Variants in CHRM5 observed in about 807,000 individuals in gnomAD.
The protein encoded by CHRM5 is cholinergic receptor muscarinic 5.
Under a neutral mutation model 39.0 loss-of-function variants are expected in CHRM5, and 18 were observed. That is an observed-to-expected ratio of 0.46 (90% CI 0.32 to 0.68). The LOEUF (loss-of-function observed/expected upper bound fraction) is 0.68. CHRM5 is among the 30% of genes least tolerant of loss of function. The probability of loss-of-function intolerance (pLI) is 0.04; values close to 1 mark genes in which losing one functional copy is unlikely to be tolerated. For synonymous variants in CHRM5, 241 were observed against 246.3 expected (o/e 0.98, Z 0.20); for missense variants, 515 against 651.1 (o/e 0.79, Z 2.28).
At chr15:34,014,645 C>T (rs1897803657) in intron 1 of CHRM5, among the ~76,000 whole-genome samples, 1 of 152,160 alleles carries the variant, frequency 6.6e-6, no homozygotes. Flanking sequence ...ATCAATGCAG[C>T]ATCTGACAGA....
Position 33,998,938 on chromosome 15 carries a change from C to T in CHRM5, c.-408+29788C>T, listed in dbSNP as rs544637546. On this transcript the variant is annotated intron_variant, in intron 1 of 2. Transcript: ENST00000383263. Reference sequence around the variant, plus strand: ...AAATATCATCTATAGGCTGGCATCACCCAAATGTATTATTGCCAACCCAGG... The same window carrying T: ...AAATATCATCTATAGGCTGGCATCATCCAAATGTATTATTGCCAACCCAGG... Among the ~76,000 whole-genome samples the T allele has an allele frequency of 2.4e-4, 37 of 152,320 alleles. No homozygotes were observed. The South Asian group carries it at 7.5e-3, about 31-fold the overall frequency.
At chr15:34,021,721 G>C (rs1307288257) in intron 1 of CHRM5, among the ~76,000 whole-genome samples, 1 of 152,216 alleles carries the variant, frequency 6.6e-6, no homozygotes, top group South Asian at 2.1e-4. Context: ...TGGACATGGT[G>C]GCAGGTGCCT....
intron 2 of CHRM5, among the ~76,000 whole-genome samples, chr15:34,058,577 C>CACACAT (rs1555521021): frequency 7.2e-5 from 11 of 151,774 alleles, no homozygotes; most frequent in African/African-American, 2.2e-4. Context: ...CACACACACA[C>CACACAT]ACACACACAC....
At chr15:33,970,491 A>G (rs1249869034) in intron 1 of CHRM5, among the ~76,000 whole-genome samples, 1 of 151,904 alleles carries the variant, frequency 6.6e-6, no homozygotes, top group East Asian at 1.9e-4. Context: ...GACATAACTA[A>G]AAGTTAAGGG....
At chr15:34,022,962 C>G (rs1281221898) in intron 1 of CHRM5, among the ~76,000 whole-genome samples, 1 of 152,122 alleles carries the variant, frequency 6.6e-6, no homozygotes, top group Non-Finnish European at 1.5e-5. Flanking sequence ...CCGAGGCGGG[C>G]GGATCACAAG....
chr15:33,969,065 G>A lies in CHRM5; in HGVS notation c.-493G>A, dbSNP rs527861516. 2.6e-5 allele frequency: 4 copies of A among 152,022 alleles called. No homozygotes were observed. Among genetic ancestry groups the A allele is most frequent in the Non-Finnish European group, 1.5e-5 (1 of 67,938 alleles). The allele number at this position is 152,022 out of a possible 1,614,324, so 9.4% of individuals were successfully genotyped here. On this transcript the variant is annotated 5_prime_UTR_variant, in exon 1 of 3. Transcript: ENST00000383263. ...ACACTGGCAAAATAAAACATGAAAG[G>A]AAAGTAGAGAAGGCATTTTGGGTCT...
At position 34,063,017 on chromosome 15, in the gene CHRM5, T is replaced by C. The variant is rs111289016; in HGVS notation, c.300T>C (p.Ser100=). The stretch of plus-strand genomic sequence containing the variant: ...TCATGGGACGCTGGGCTCTCGGGAG[T>C]CTGGCTTGTGACCTTTGGCTTGCAC... ...YILMGRWALG[S]LACDLWLALD... The change falls in exon 3 of 3, where the codon AGT becomes AGC. Residue 100 remains serine, a synonymous_variant. Transcript: ENST00000383263. This position sits in a 1 kb window ranked among gnomAD's most constrained non-coding sequence, Gnocchi z 4.1. 1 of 1,614,028 alleles carries C rather than the reference T, an allele frequency of 6.2e-7. No homozygotes were observed. Among genetic ancestry groups the C allele is most frequent in the Admixed American group, 1.7e-5 (1 of 60,002 alleles).
rs1045287260 is a variant in CHRM5, at chr15:33,969,554, TA to T, written c.-408+407del. Among the ~76,000 whole-genome samples, 5 of 152,032 alleles carry T rather than the reference TA, an allele frequency of 3.3e-5. No individual in the cohort carries two copies. The East Asian group carries it at 9.6e-4, about 29-fold the overall frequency. Reference sequence around the variant, plus strand: ...AACAAAGAAAAATTAATAAGCATTTTAAATATTTTTATTCATATAAAGGAAC... The same window carrying T: ...AACAAAGAAAAATTAATAAGCATTTTAATATTTTTATTCATATAAAGGAAC... On this transcript the variant is annotated intron_variant, in intron 1 of 2. Coordinates refer to ENST00000383263, the MANE Select transcript of CHRM5 (RefSeq NM_012125.4).
intron 1 of CHRM5, among the ~76,000 whole-genome samples, chr15:33,992,502 T>C (rs887843354): frequency 6.6e-6 from 1 of 152,260 alleles, no homozygotes; most frequent in African/African-American, 2.4e-5. Flanking sequence ...GGTTATCCAA[T>C]TGAAAATTTT....
intron 1 of CHRM5, among the ~76,000 whole-genome samples, chr15:34,033,806 T>C (rs1321832118): frequency 6.6e-6 from 1 of 152,196 alleles, no homozygotes; most frequent in East Asian, 1.9e-4. Flanking sequence ...TTTTTTGTTT[T>C]GAGATGGAGT....
chr15:33,990,934 T>C (rs568102549), intron 1 of CHRM5: 1 of 152,224 alleles, frequency 6.6e-6, no homozygotes, highest in Non-Finnish European at 1.5e-5. Flanking sequence ...AAAATACAGA[T>C]AAAACTAAAA....
rs1459240008 is a variant in CHRM5 at position 34,063,755 on chromosome 15, TG to T, written c.1039del (p.Val347Ter). 1 of 1,614,056 alleles carries T rather than the reference TG, an allele frequency of 6.2e-7. No homozygotes were observed. The highest frequency in any genetic ancestry group is 8.5e-7 in the Non-Finnish European group (1 of 1,180,032). ...FSAEETEETF[V>X]KAETEKSDYD... ...GTGCTGAAGAGACTGAGGAAACTTTTGTGAAAGCTGAAACTGAAAAAAGTGA... is the reference window on the plus strand; with the variant it reads ...GTGCTGAAGAGACTGAGGAAACTTTTTGAAAGCTGAAACTGAAAAAAGTGA... On this transcript the variant is annotated frameshift_variant, in exon 3 of 3. Transcript: ENST00000383263. LOFTEE classifies it high-confidence loss of function. The surrounding 1 kb of genome is among the most constrained non-coding windows in gnomAD (Gnocchi z 4.1).
intron 1 of CHRM5, among the ~76,000 whole-genome samples, chr15:34,023,012 C>T (rs912028123): frequency 2.6e-5 from 4 of 152,204 alleles, no homozygotes; most frequent in Admixed American, 1.3e-4. Context: ...ATGGTGAAAC[C>T]CCCATCTCTA....
Position 34,046,752 on chromosome 15 carries a change from T to G in CHRM5, c.-195T>G, listed in dbSNP as rs547301470. The G allele has an allele frequency of 6.6e-6, 1 of 152,460 alleles. No individual in the cohort carries two copies. The highest frequency in any genetic ancestry group is 2.1e-4 in the South Asian group (1 of 4,832). 9.4% of individuals were successfully genotyped at this position (152,460 alleles called of 1,614,324 possible). ...CAACTGAAATATCCAGGTTCTCGCTTTGGGACTAATTGGGCAAACAACTTG... is the reference window on the plus strand; with the variant it reads ...CAACTGAAATATCCAGGTTCTCGCTGTGGGACTAATTGGGCAAACAACTTG... On this transcript the variant is annotated 5_prime_UTR_variant, in exon 2 of 3. Transcript: ENST00000383263.
intron 1 of CHRM5, chr15:34,038,778 A>C: frequency 8.5e-7 from 1 of 1,173,858 alleles, no homozygotes; most frequent in Non-Finnish European, 1.0e-6. Flanking sequence ...GTCGCCTCTT[A>C]CCGGCGCGCT....
intron 2 of CHRM5, among the ~76,000 whole-genome samples, chr15:34,053,458 A>G (rs184840017): frequency 1.3e-4 from 20 of 151,732 alleles, no homozygotes; most frequent in Middle Eastern, 3.4e-3. Context: ...TCAAAACAGC[A>G]TGGTAATGGT....
At position 34,032,607 on chromosome 15, in the gene CHRM5, G is replaced by A. The variant is rs551022209; in HGVS notation, c.-407-13933G>A. Among the ~76,000 whole-genome samples the A allele has an allele frequency of 5.9e-5, 9 of 152,176 alleles. No homozygotes were observed. In the East Asian group the frequency reaches 1.5e-3, roughly 26 times the overall value. On this transcript the variant is annotated intron_variant, in intron 1 of 2. Coordinates refer to ENST00000383263, the MANE Select transcript of CHRM5 (RefSeq NM_012125.4). ...CTATGATCTTAGCTGTCCTCAAAAC[G>A]GAGTGTGCACATACCTAGGGGTTCA...
chr15:34,015,286 A>T (rs763526632), intron 1 of CHRM5, among the ~76,000 whole-genome samples: 5 of 152,138 alleles, frequency 3.3e-5, no homozygotes, highest in Non-Finnish European at 7.4e-5. Flanking sequence ...GATCGAGACC[A>T]TCTTGGCTAA....
chr15:33,983,068 T>C (rs566569385), intron 1 of CHRM5, among the ~76,000 whole-genome samples: 40 of 151,978 alleles, frequency 2.6e-4, no homozygotes, highest in African/African-American at 9.6e-4. Context: ...CAACGGATTT[T>C]AGACGTGGAT....
Sources: allele counts gnomAD v4.1 joint callset (sites outside exome capture counted in the v4.1 genomes callset), GRCh38; gene constraint gnomAD v4.1.1; non-coding constraint Gnocchi (gnomAD v3.1); transcripts MANE v1.5; gene names NCBI Gene and HGNC (gene_info 2026-07-23, HGNC 2026-07-21).